Variants in KCNAB1 observed in about 807,000 individuals in gnomAD.
KCNAB1 encodes the protein potassium voltage-gated channel subfamily A regulatory beta subunit 1, also known as voltage-gated potassium channel subunit beta-1.
Under a neutral mutation model 64.6 loss-of-function variants are expected in KCNAB1, and 35 were observed. The ratio of observed to expected loss-of-function variants is 0.54; its 90% CI spans 0.41 to 0.72. The LOEUF (loss-of-function observed/expected upper bound fraction) is 0.72, where lower values mean the gene tolerates loss of function less well. KCNAB1 is among the 30% of genes least tolerant of loss of function. KCNAB1 has a pLI of 0.00. For missense variants in KCNAB1, 401 were observed against 512.9 expected (o/e 0.78, Z 2.11); for synonymous variants, 177 against 183.8 (o/e 0.96, Z 0.30).
intron 1 of KCNAB1, among the ~76,000 whole-genome samples, chr3:156,250,933 T>A (rs1448662797): frequency 6.6e-6 from 1 of 152,232 alleles, no homozygotes; most frequent in Non-Finnish European, 1.5e-5. Flanking sequence ...GGGAGCATTC[T>A]TTTTAATATT....
chr3:156,198,376 T>C (rs1714095538), intron 1 of KCNAB1, among the ~76,000 whole-genome samples: 1 of 152,162 alleles, frequency 6.6e-6, no homozygotes, highest in Admixed American at 6.5e-5. Context: ...CTGTCCAATA[T>C]TGACAGTGGG....
intron 1 of KCNAB1, among the ~76,000 whole-genome samples, chr3:156,289,696 G>T (rs1257737135): frequency 6.6e-6 from 1 of 152,176 alleles, no homozygotes; most frequent in African/African-American, 2.4e-5. Flanking sequence ...GGAAGGTTGT[G>T]GAGAGTGAAT....
At chr3:156,457,289 G>T in intron 3 of KCNAB1, 164 bp from the exon 4 acceptor site, 1 of 1,435,190 alleles carries the variant, frequency 7.0e-7, no homozygotes. Flanking sequence ...CTGTCCTATG[G>T]ATACTGGCTG....
chr3:156,499,128 A>G (rs1346073034), intron 8 of KCNAB1, among the ~76,000 whole-genome samples: 1 of 152,206 alleles, frequency 6.6e-6, no homozygotes, highest in Non-Finnish European at 1.5e-5. Context: ...TAGAGGAAAA[A>G]CATCTGGGAA....
intron 1 of KCNAB1, among the ~76,000 whole-genome samples, chr3:156,239,438 T>C (rs1717040105): frequency 6.6e-6 from 1 of 152,230 alleles, no homozygotes; most frequent in Non-Finnish European, 1.5e-5. Flanking sequence ...TAGCAAATTG[T>C]AGAAGAGGTC....
intron 8 of KCNAB1, among the ~76,000 whole-genome samples, chr3:156,501,364 A>T (rs1716389126): frequency 6.7e-6 from 1 of 149,676 alleles, no homozygotes; most frequent in African/African-American, 2.4e-5. Context: ...GAAAGACATT[A>T]TAGGAGATTG....
At position 156,319,953 on chromosome 3, in the gene KCNAB1, A is replaced by G. The variant is rs567614716; in HGVS notation, c.276-101663A>G. ...CTTTGATGAAGTCCAGTTTTAATGT[A>G]GATCATACAGGCCCTCTCCAACTTC... On this transcript the variant is annotated intron_variant, in intron 1 of 13. Transcript: ENST00000490337. Among the ~76,000 whole-genome samples, 14 of 152,356 alleles carry G rather than the reference A, an allele frequency of 9.2e-5. 1 individual carries two copies. Among genetic ancestry groups the G allele is most frequent in the African/African-American group, 3.4e-4 (14 of 41,586 alleles).
intron 1 of KCNAB1, among the ~76,000 whole-genome samples, chr3:156,388,186 C>G (rs569246110): frequency 5.3e-5 from 8 of 152,286 alleles, no homozygotes; most frequent in African/African-American, 1.7e-4. Context: ...AGTGCCAGAA[C>G]CCTGCAGACC....
intron 1 of KCNAB1, among the ~76,000 whole-genome samples, chr3:156,165,277 CAAAAAAAAAAAA>C (rs35419424): frequency 1.8e-4 from 5 of 27,136 alleles, no homozygotes; most frequent in South Asian, 2.0e-3. Flanking sequence ...GACTCCGTCT[CAAAAAAAAAAAA>C]AAAAAAAAAA....
chr3:156,140,786 AG>A (rs1396639666), intron 1 of KCNAB1, among the ~76,000 whole-genome samples: 2 of 152,234 alleles, frequency 1.3e-5, no homozygotes, highest in African/African-American at 4.8e-5. Context: ...AGAAGTGTGA[AG>A]TGAGGGCTTT....
At chr3:156,239,007 C>A (rs973267687) in intron 1 of KCNAB1, among the ~76,000 whole-genome samples, 1 of 152,100 alleles carries the variant, frequency 6.6e-6, no homozygotes, top group Non-Finnish European at 1.5e-5. Flanking sequence ...AAGAGCAGAT[C>A]GTTACCTTTA....
chr3:156,318,950 C>CGAAGG (rs1722477088), intron 1 of KCNAB1, among the ~76,000 whole-genome samples: 1 of 152,256 alleles, frequency 6.6e-6, no homozygotes. Context: ...AACCAGTTAA[C>CGAAGG]TAACCTTCAT....
chr3:156,439,638 A>T (rs908164718), intron 2 of KCNAB1, among the ~76,000 whole-genome samples: 20 of 152,194 alleles, frequency 1.3e-4, no homozygotes, highest in African/African-American at 4.6e-4. Flanking sequence ...CTACTCTCTT[A>T]TCGTAAGCAG....
At chr3:156,293,849 T>C (rs1171917570) in intron 1 of KCNAB1, among the ~76,000 whole-genome samples, 2 of 152,244 alleles carry the variant, frequency 1.3e-5, no homozygotes, top group African/African-American at 4.8e-5. Context: ...ACAGTGCTGC[T>C]CTGCATGCAC....
intron 1 of KCNAB1, among the ~76,000 whole-genome samples, chr3:156,252,804 G>A (rs1158368539): frequency 1.3e-5 from 2 of 152,214 alleles, no homozygotes; most frequent in African/African-American, 4.8e-5. Flanking sequence ...TATGGCAGAA[G>A]AGAGTCAGCA....
intron 8 of KCNAB1, among the ~76,000 whole-genome samples, chr3:156,480,351 A>G (rs1714697822): frequency 6.6e-6 from 1 of 151,698 alleles, no homozygotes; most frequent in Admixed American, 6.6e-5. Flanking sequence ...AAAAAGAGAG[A>G]GGAACAACAC....
At chr3:156,277,112 C>T (rs1221737366) in intron 1 of KCNAB1, among the ~76,000 whole-genome samples, 1 of 151,994 alleles carries the variant, frequency 6.6e-6, no homozygotes, top group Non-Finnish European at 1.5e-5. Flanking sequence ...ATTGTTGTAT[C>T]TCAGGGAATA....
At chr3:156,210,402 A>G (rs1184330238) in intron 1 of KCNAB1, among the ~76,000 whole-genome samples, 1 of 152,172 alleles carries the variant, frequency 6.6e-6, no homozygotes, top group Non-Finnish European at 1.5e-5. Context: ...AGTACAGAAA[A>G]TTTGGGTGAT....
At chr3:156,504,263 TAA>T (rs1716660737) in intron 8 of KCNAB1, among the ~76,000 whole-genome samples, 1 of 152,228 alleles carries the variant, frequency 6.6e-6, no homozygotes, top group Non-Finnish European at 1.5e-5. Context: ...TAGGGCTGAA[TAA>T]TATTCCATTG....
Sources: gnomAD v4.1 joint callset for allele counts (sites outside exome capture counted in the v4.1 genomes callset) on GRCh38, gnomAD v4.1.1 for gene constraint, MANE v1.5 for transcripts, NCBI Gene and HGNC (gene_info 2026-07-23, HGNC 2026-07-21) for gene names.